EFNA5: variants seen among roughly 807,000 people sequenced by gnomAD.
The protein encoded by EFNA5 is ephrin A5.
EFNA5 carries 5 observed loss-of-function variants against 22.9 expected under a neutral mutation model. The ratio of observed to expected loss-of-function variants is 0.22; its 90% CI spans 0.11 to 0.46. EFNA5 has a LOEUF of 0.46. EFNA5 is among the 20% of genes least tolerant of loss of function. The pLI is 0.99. For missense variants in EFNA5, 237 were observed against 293.3 expected (o/e 0.81, Z 1.40); for synonymous variants, 113 against 112.2 (o/e 1.01, Z -0.04).
At chr5:107,529,289 A>G (rs1051963550) in intron 1 of EFNA5, among the ~76,000 whole-genome samples, 3 of 152,158 alleles carry the variant, frequency 2.0e-5, no homozygotes, top group Non-Finnish European at 4.4e-5. Flanking sequence ...TTCACAGGTA[A>G]CAGAGGTCCT....
At chr5:107,387,185 A>G (rs1295672014) in intron 4 of EFNA5, 50 bp downstream of exon 4, 1 of 1,313,588 alleles carries the variant, frequency 7.6e-7, no homozygotes. Flanking sequence ...ATACGGAAGC[A>G]CCAGAGAAAT....
At chr5:107,505,959 G>A (rs1031800210) in intron 1 of EFNA5, among the ~76,000 whole-genome samples, 8 of 152,284 alleles carry the variant, frequency 5.3e-5, no homozygotes, top group East Asian at 1.9e-4. Flanking sequence ...GCTAGTGAGC[G>A]ACAGAGCCAA....
intron 1 of EFNA5, among the ~76,000 whole-genome samples, chr5:107,439,828 T>C (rs1316463097): frequency 1.3e-5 from 2 of 152,208 alleles, no homozygotes; most frequent in African/African-American, 2.4e-5. Flanking sequence ...ACATATTCCA[T>C]TTTACCTTTC....
At chr5:107,606,223 A>G (rs1749709305) in intron 1 of EFNA5, among the ~76,000 whole-genome samples, 1 of 152,122 alleles carries the variant, frequency 6.6e-6, no homozygotes, top group Admixed American at 6.5e-5. Context: ...GTCCTTTCCC[A>G]AACTGTGGTA....
At chr5:107,484,814 G>C (rs548216194) in intron 1 of EFNA5, among the ~76,000 whole-genome samples, 2 of 147,512 alleles carry the variant, frequency 1.4e-5, no homozygotes, top group South Asian at 4.4e-4. Context: ...TTTTTTTTTA[G>C]ATTTCTGAGT....
intron 1 of EFNA5, among the ~76,000 whole-genome samples, chr5:107,475,862 T>C (rs1172873258): frequency 2.0e-5 from 3 of 151,256 alleles, no homozygotes. Context: ...AGCAATGAGA[T>C]GTTGTTAATG....
intron 4 of EFNA5, among the ~76,000 whole-genome samples, chr5:107,384,447 T>C (rs1747556625): frequency 6.6e-6 from 1 of 152,100 alleles, no homozygotes; most frequent in African/African-American, 2.4e-5. Context: ...GACAAATACA[T>C]TCCAAAGACA....
At chr5:107,577,166 C>G (rs1244789190) in intron 1 of EFNA5, among the ~76,000 whole-genome samples, 4 of 152,182 alleles carry the variant, frequency 2.6e-5, no homozygotes, top group Admixed American at 2.6e-4. Flanking sequence ...TAATTGCCAA[C>G]ACAAATTTCC....
chr5:107,543,709 T>TA (rs10708780), intron 1 of EFNA5, among the ~76,000 whole-genome samples: 10 of 151,412 alleles, frequency 6.6e-5, no homozygotes, highest in East Asian at 1.9e-4. Context: ...AAGTATAATT[T>TA]AAAAAAAAAA....
At chr5:107,557,370 G>C (rs185119092) in intron 1 of EFNA5, among the ~76,000 whole-genome samples, 7 of 150,848 alleles carry the variant, frequency 4.6e-5, no homozygotes, top group Non-Finnish European at 7.4e-5. Context: ...GAGAAGGGGC[G>C]AGAGAGGGAA....
At chr5:107,583,534 A>G (rs574889699) in intron 1 of EFNA5, among the ~76,000 whole-genome samples, 1 of 152,208 alleles carries the variant, frequency 6.6e-6, no homozygotes, top group Non-Finnish European at 1.5e-5. Flanking sequence ...GAGTTTTTAC[A>G]GAAATGCTTC....
chr5:107,480,588 G>C (rs1750430949), intron 1 of EFNA5, among the ~76,000 whole-genome samples: 1 of 152,202 alleles, frequency 6.6e-6, no homozygotes, highest in East Asian at 1.9e-4. Context: ...TTCTAGTGGA[G>C]AGGGGAGGTA....
intron 1 of EFNA5, among the ~76,000 whole-genome samples, chr5:107,533,503 T>A (rs1316894325): frequency 2.6e-5 from 4 of 152,304 alleles, no homozygotes; most frequent in African/African-American, 9.6e-5. Context: ...TTGCTTCCAT[T>A]TCTGCTTTCA....
At chr5:107,465,396 T>C (rs1749946974) in intron 1 of EFNA5, among the ~76,000 whole-genome samples, 1 of 152,166 alleles carries the variant, frequency 6.6e-6, no homozygotes, top group Non-Finnish European at 1.5e-5. Context: ...AGAGTTAATA[T>C]GGACAGGTGA....
chr5:107,608,006 T>C lies in EFNA5; in HGVS notation c.125+62483A>G, dbSNP rs190057894. On this transcript the variant is annotated intron_variant, in intron 1 of 4. Transcript: ENST00000333274. ...CATCTGCTTGCAAATTTCATGGAAA[T>C]TTTTAAAATTCAGCACCATATGAGG... Among the ~76,000 whole-genome samples, 435 of 152,220 alleles carry C rather than the reference T, an allele frequency of 2.9e-3. 4 individuals carry two copies. The highest frequency in any genetic ancestry group is 0.01 in the African/African-American group (424 of 41,522).
At chr5:107,446,651 G>A (rs1388979034) in intron 1 of EFNA5, among the ~76,000 whole-genome samples, 1 of 152,258 alleles carries the variant, frequency 6.6e-6, no homozygotes, top group South Asian at 2.1e-4. Context: ...CTACTCAGGA[G>A]GCTGAGGCAG....
At chr5:107,516,580 G>T (rs1329335128) in intron 1 of EFNA5, among the ~76,000 whole-genome samples, 2 of 152,052 alleles carry the variant, frequency 1.3e-5, no homozygotes, top group African/African-American at 4.8e-5. Flanking sequence ...CTCCCAAACT[G>T]CTTCTTTGAT....
intron 1 of EFNA5, among the ~76,000 whole-genome samples, chr5:107,512,372 AC>A (rs1264879232): frequency 6.6e-5 from 10 of 151,030 alleles, no homozygotes; most frequent in African/African-American, 2.5e-4. Flanking sequence ...CAAAACAACA[AC>A]AACAACAACA....
chr5:107,557,436 A>G (rs1748446460), intron 1 of EFNA5, among the ~76,000 whole-genome samples: 1 of 152,166 alleles, frequency 6.6e-6, no homozygotes, highest in Non-Finnish European at 1.5e-5. Flanking sequence ...ACGCTGCCTC[A>G]GGAACCACGC....
Sources: allele counts gnomAD v4.1 joint callset (sites outside exome capture counted in the v4.1 genomes callset), GRCh38; gene constraint gnomAD v4.1.1; transcripts MANE v1.5; gene names NCBI Gene and HGNC (gene_info 2026-07-23, HGNC 2026-07-21).